LIMCH1: variants seen among roughly 807,000 people sequenced by gnomAD.
LIMCH1 encodes the protein LIM and calponin homology domains-containing protein 1.
Under a neutral mutation model 176.5 loss-of-function variants are expected in LIMCH1, and 113 were observed. The observed-to-expected ratio is 0.64, with a 90% CI of 0.55 to 0.75. The LOEUF (loss-of-function observed/expected upper bound fraction) is 0.75. Among genes scored for constraint, LIMCH1 ranks in the 30% least tolerant of loss-of-function variants. The probability of loss-of-function intolerance (pLI) is 0.00; values close to 1 mark genes in which losing one functional copy is unlikely to be tolerated. For synonymous variants in LIMCH1, 619 were observed against 645.9 expected (o/e 0.96, Z 0.63); for missense variants, 1,674 against 1,814.9 (o/e 0.92, Z 1.41).
chr4:41,580,181 G>A (rs1021912806), intron 1 of LIMCH1, among the ~76,000 whole-genome samples: 1 of 152,090 alleles, frequency 6.6e-6, no homozygotes, highest in Non-Finnish European at 1.5e-5. Context: ...AATGCGTTTC[G>A]TGTCCGTTTT....
At chr4:41,630,649 G>A (rs1271118120) in intron 9 of LIMCH1, among the ~76,000 whole-genome samples, 4 of 152,110 alleles carry the variant, frequency 2.6e-5, no homozygotes, top group African/African-American at 4.8e-5. Flanking sequence ...TAATGAAAAA[G>A]CAATTTTGCT....
At position 41,620,593 on chromosome 4, in the gene LIMCH1, C is replaced by A. The variant is rs1423236682; in HGVS notation, c.628C>A (p.Pro210Thr). The change falls in exon 7 of 32, where the codon CCC (proline) becomes ACC (threonine). Residue 210 changes from proline (P) to threonine (T), a missense_variant. By Grantham distance (38) the Pro-to-Thr change is conservative (BLOSUM62 -1). Transcript: ENST00000503057. ...AGACGGGGCTGTGGTGGCACCAGCT[C>A]CCAAGTCTGAAGAAAAAGATGCTGC... The part of the protein sequence containing the change: ...SSDGAVVAPA[P>T]KSEEKDAAEI... The A allele has an allele frequency of 3.8e-5, 59 of 1,535,960 alleles. No individual in the cohort carries two copies. Among genetic ancestry groups the A allele is most frequent in the Non-Finnish European group, 5.1e-5 (58 of 1,146,928 alleles).
intron 7 of LIMCH1, among the ~76,000 whole-genome samples, chr4:41,623,054 G>C (rs1044149086): frequency 1.6e-4 from 24 of 152,092 alleles, no homozygotes; most frequent in Non-Finnish European, 2.9e-5. Context: ...CTACGTCTTT[G>C]TCACTTACTT....
At chr4:41,419,218 C>T (rs1193231316) in intron 1 of LIMCH1, among the ~76,000 whole-genome samples, 4 of 151,526 alleles carry the variant, frequency 2.6e-5, no homozygotes, top group Non-Finnish European at 5.9e-5. Flanking sequence ...AGCTCTGTTG[C>T]CCAGGCTGGA....
chr4:41,581,100 A>G (rs1018575521), intron 1 of LIMCH1, among the ~76,000 whole-genome samples: 2 of 144,688 alleles, frequency 1.4e-5, no homozygotes, highest in South Asian at 2.4e-4. Context: ...CTGTCCATTC[A>G]TCTGTCTGTC....
At chr4:41,564,524 A>G (rs764032990) in intron 1 of LIMCH1, among the ~76,000 whole-genome samples, 4 of 152,150 alleles carry the variant, frequency 2.6e-5, no homozygotes, top group Non-Finnish European at 5.9e-5. Context: ...GCATACATTA[A>G]ACCCGATATT....
In LIMCH1 at chr4:41,598,904, CT is replaced by C; in HGVS notation, c.-240-9del. Reference sequence around the variant, plus strand: ...TCTAAGATAATATAGACTTATATTTCTTTTTTTCCTTCTAGGACAATATTAT... The same window carrying C: ...TCTAAGATAATATAGACTTATATTTCTTTTTTCCTTCTAGGACAATATTAT... On this transcript the variant is annotated splice_polypyrimidine_tract_variant and intron_variant, in intron 1 of 31. Coordinates refer to ENST00000503057, the MANE Select transcript of LIMCH1 (RefSeq NM_001330672.2). 5 of 1,502,780 alleles carry C rather than the reference CT, an allele frequency of 3.3e-6. No individual in the cohort carries two copies. Among genetic ancestry groups the C allele is most frequent in the Non-Finnish European group, 4.6e-6 (5 of 1,082,472 alleles). The allele number at this position is 1,502,780 out of a possible 1,614,324, so 93.1% of individuals were successfully genotyped here. A position where few individuals can be genotyped will look rare whatever the true frequency, so the allele number is the denominator to read the frequency against.
chr4:41,586,706 G>C (rs183147136), intron 1 of LIMCH1, among the ~76,000 whole-genome samples: 1 of 152,324 alleles, frequency 6.6e-6, no homozygotes, highest in East Asian at 1.9e-4. Context: ...CTGGGGAATA[G>C]TTCAGTAATT....
rs571344932 is a variant in LIMCH1, at chr4:41,405,877, T to G, written c.96+44941T>G. The stretch of plus-strand genomic sequence containing the variant: ...AGGCTAAGAACAAAACTGTAATTGT[T>G]TAATTCAGAAAGTAGTTGTGGAATG... On this transcript the variant is annotated intron_variant, in intron 1 of 26. Transcript: ENST00000313860. 4.6e-5 allele frequency among the ~76,000 whole-genome samples: 7 copies of G among 152,276 alleles called. No individual in the cohort carries two copies. In the South Asian group the frequency reaches 1.5e-3, roughly 32 times the overall value.
chr4:41,588,668 A>G (rs2086918018), intron 1 of LIMCH1, among the ~76,000 whole-genome samples: 1 of 152,198 alleles, frequency 6.6e-6, no homozygotes, highest in African/African-American at 2.4e-5. Context: ...TAGCTCTTCA[A>G]CCAAGTGGGT....
intron 1 of LIMCH1, among the ~76,000 whole-genome samples, chr4:41,414,156 G>A (rs758932263): frequency 1.3e-5 from 2 of 152,078 alleles, no homozygotes; most frequent in Admixed American, 6.6e-5. Flanking sequence ...AGGATGGGGG[G>A]GCAGGAAGAG....
At chr4:41,555,152 A>G (rs1367001514) in intron 1 of LIMCH1, among the ~76,000 whole-genome samples, 2 of 152,244 alleles carry the variant, frequency 1.3e-5, no homozygotes, top group East Asian at 3.8e-4. Context: ...CTGTTCACAA[A>G]TTGCAAAAAG....
intron 1 of LIMCH1, among the ~76,000 whole-genome samples, chr4:41,433,508 T>C (rs930697877): frequency 1.3e-5 from 2 of 152,102 alleles, no homozygotes; most frequent in African/African-American, 4.8e-5. Context: ...GGGGCTGGGC[T>C]GGAAGGTCCA....
At chr4:41,458,631 GGGCGT>G (rs199945255) in intron 1 of LIMCH1, among the ~76,000 whole-genome samples, 5,531 of 151,858 alleles carry the variant, frequency 0.036, 349 homozygotes, top group African/African-American at 0.13. Flanking sequence ...AAAATTAGCT[GGGCGT>G]GGTGGCATGC....
intron 13 of LIMCH1, among the ~76,000 whole-genome samples, chr4:41,638,219 G>T (rs1391722134): frequency 1.3e-5 from 2 of 152,040 alleles, no homozygotes; most frequent in African/African-American, 2.4e-5. Context: ...TAGACTTCCG[G>T]TGACTATCGC....
At position 41,687,901 on chromosome 4, in the gene LIMCH1, G is replaced by A. The variant is rs754266566; in HGVS notation, c.4150G>A (p.Gly1384Ser). 19 of 1,612,688 alleles carry A rather than the reference G, an allele frequency of 1.2e-5. No homozygotes were observed. Among genetic ancestry groups the A allele is most frequent in the Admixed American group, 1.7e-5 (1 of 59,888 alleles). ...PFSPCSPTPP[G>S]QSPNRSISGK... ...CTCTCCCTGTTCTCCCACCCCTCCC[G>A]GTCAGTCACCAAACAGGTACAAGAG... Residue 1384 changes from glycine (G) to serine (S), a missense_variant, in exon 29 of 32, where the codon GGT (glycine) becomes AGT (serine). Around this residue, in one of 3 missense-constraint regions of LIMCH1, gnomAD observed 1,015 missense variants for 1,102.5 expected, o/e 0.92. Transcript: ENST00000503057.
At chr4:41,648,256 G>A (rs918214460) in intron 17 of LIMCH1, among the ~76,000 whole-genome samples, 1 of 152,210 alleles carries the variant, frequency 6.6e-6, no homozygotes, top group Non-Finnish European at 1.5e-5. Flanking sequence ...CATTCTAGAT[G>A]TCCACTTTCC....
At position 41,644,568 on chromosome 4, in the gene LIMCH1, A is replaced by G. The variant is rs1005253201; in HGVS notation, c.2195A>G (p.Gln732Arg). ...AAVQPHSRAR[Q>R]EQLQLINNQL... ...GTGCAGCCGCACAGCAGGGCCCGCC[A>G]GGAGCAGCTGCAGCTGATAAATAAC... Residue 732 changes from glutamine to arginine, a missense_variant, in exon 15 of 32, where the codon CAG (glutamine) becomes CGG (arginine). Around this residue, in one of 3 missense-constraint regions of LIMCH1, gnomAD observed 1,015 missense variants for 1,102.5 expected, o/e 0.92. Transcript: ENST00000503057. 2.5e-6 allele frequency: 4 copies of G among 1,609,996 alleles called. No individual in the cohort carries two copies. The highest frequency in any genetic ancestry group is 3.4e-6 in the Non-Finnish European group (4 of 1,178,342).
At chr4:41,520,813 G>A (rs561717671) in intron 2 of LIMCH1, among the ~76,000 whole-genome samples, 124 of 152,268 alleles carry the variant, frequency 8.1e-4, no homozygotes, top group Non-Finnish European at 1.0e-3. Flanking sequence ...TGTTGTGTAG[G>A]ATTATGCTAA....
Sources: allele counts gnomAD v4.1 joint callset (sites outside exome capture counted in the v4.1 genomes callset), GRCh38; gene constraint gnomAD v4.1.1; regional missense constraint gnomAD v4.1.1; transcripts MANE v1.5; gene names NCBI Gene and HGNC (gene_info 2026-07-23, HGNC 2026-07-21).